MFHAS1: variants seen among roughly 807,000 people sequenced by gnomAD.
MFHAS1 encodes the protein malignant fibrous histiocytoma-amplified sequence 1.
A neutral mutation model predicts 70.4 loss-of-function variants in MFHAS1; 50 were observed. The observed-to-expected ratio is 0.71, with a 90% confidence interval of 0.57 to 0.90. The LOEUF is 0.90. Among genes scored for constraint, MFHAS1 ranks in the 40% least tolerant of loss-of-function variants. The probability of loss-of-function intolerance (pLI) is 0.00; values close to 1 mark genes in which losing one functional copy is unlikely to be tolerated. For missense variants in MFHAS1, 1,795 were observed against 1,347.6 expected, an observed-to-expected ratio of 1.33 and a Z score of -5.20; for synonymous variants, 952 against 620.0, an observed-to-expected ratio of 1.54 and a Z score of -7.96.
At chr8:8,829,672 C>T (rs1807297532) in intron 1 of MFHAS1, among the ~76,000 whole-genome samples, 2 of 152,210 alleles carry the variant, frequency 1.3e-5, no homozygotes, top group Admixed American at 1.3e-4. Flanking sequence ...AAGAGTGAGA[C>T]TCTGTCTCAA....
chr8:8,836,769 A>G (rs1439105646), intron 1 of MFHAS1, among the ~76,000 whole-genome samples: 2 of 152,236 alleles, frequency 1.3e-5, no homozygotes, highest in East Asian at 3.8e-4. Flanking sequence ...GTAGAGCTAG[A>G]TAACTTCCTT....
chr8:8,824,854 T>C (rs1237425023), intron 1 of MFHAS1, among the ~76,000 whole-genome samples: 1 of 152,058 alleles, frequency 6.6e-6, no homozygotes, highest in East Asian at 1.9e-4. Context: ...AGGAAGGAGG[T>C]GTGCACAGCG....
At chr8:8,852,542 T>C (rs1234664534) in intron 1 of MFHAS1, among the ~76,000 whole-genome samples, 1 of 152,266 alleles carries the variant, frequency 6.6e-6, no homozygotes, top group Non-Finnish European at 1.5e-5. Flanking sequence ...TGGTGCCTGC[T>C]GGTTTCAGCC....
intron 1 of MFHAS1, among the ~76,000 whole-genome samples, chr8:8,831,687 C>A (rs1216212752): frequency 6.6e-6 from 1 of 151,638 alleles, no homozygotes; most frequent in Non-Finnish European, 1.5e-5. Flanking sequence ...CAGCTCACTG[C>A]AACCTCCGCC....
chr8:8,871,876 T>C (rs1809088287), intron 1 of MFHAS1, among the ~76,000 whole-genome samples: 1 of 152,176 alleles, frequency 6.6e-6, no homozygotes, highest in Admixed American at 6.5e-5. Flanking sequence ...TGGTTTAATA[T>C]AAAGCAAGTA....
Position 8,892,372 on chromosome 8 carries a change from G to A in MFHAS1, c.687C>T (p.Leu229=), listed in dbSNP as rs1810096834. 6.2e-7 allele frequency: 1 copy of A among 1,612,550 alleles called. No individual in the cohort carries two copies. Among genetic ancestry groups the A allele is most frequent in the Non-Finnish European group, 8.5e-7 (1 of 1,179,948 alleles). The change falls in exon 1 of 3, where the codon CTC becomes CTT. Residue 229 remains leucine, a synonymous_variant. Transcript: ENST00000276282. The surrounding 1 kb of genome is among the most constrained non-coding windows in gnomAD (Gnocchi z 4.7). The stretch of plus-strand genomic sequence containing the variant: ...CGGCCCCACTCAGCCAGAGGATCTT[G>A]AGGGCACGCAGGGCACTGATATCCT... ...LPEDISALRA[L]KILWLSGAEL...
intron 1 of MFHAS1, among the ~76,000 whole-genome samples, chr8:8,860,357 C>G (rs1013106669): frequency 3.9e-5 from 6 of 152,202 alleles, no homozygotes; most frequent in African/African-American, 1.4e-4. Context: ...CAACCCCTGC[C>G]TTCTCAGTCC....
At position 8,879,441 on chromosome 8, in the gene MFHAS1, T is replaced by C. The variant is rs77241207; in HGVS notation, c.2998+10620A>G. 7.2e-3 allele frequency among the ~76,000 whole-genome samples: 1,090 copies of C among 152,350 alleles called. 20 individuals are homozygous for C. The highest frequency in any genetic ancestry group is 0.025 in the African/African-American group (1,049 of 41,592). ...TGGGAAGTTTTTAGAGATCCTCATA[T>C]ACAATGAATTTCCTTTTTCCAGCAT... On this transcript the variant is annotated intron_variant, in intron 1 of 2. Coordinates refer to ENST00000276282, the MANE Select transcript of MFHAS1 (RefSeq NM_004225.3).
chr8:8,786,428 C>T (rs2271342), intron 2 of MFHAS1, among the ~76,000 whole-genome samples: 77,849 of 151,986 alleles, frequency 0.51, 20,588 homozygotes, highest in East Asian at 0.86. Context: ...CACGGTCACA[C>T]GCAGACACAC....
At chr8:8,858,066 C>G (rs1054702386) in intron 1 of MFHAS1, among the ~76,000 whole-genome samples, 3 of 152,182 alleles carry the variant, frequency 2.0e-5, no homozygotes, top group Non-Finnish European at 4.4e-5. Flanking sequence ...ATTTGCCTGC[C>G]TCCACGCCTG....
chr8:8,843,346 G>A (rs1352789635), intron 1 of MFHAS1, among the ~76,000 whole-genome samples: 4 of 151,846 alleles, frequency 2.6e-5, no homozygotes, highest in Non-Finnish European at 5.9e-5. Flanking sequence ...CATTTCGGGA[G>A]GCTCAGGTGG....
intron 1 of MFHAS1, among the ~76,000 whole-genome samples, chr8:8,885,086 C>G (rs1367304343): frequency 1.3e-5 from 2 of 152,106 alleles, no homozygotes; most frequent in Non-Finnish European, 2.9e-5. Flanking sequence ...ACAACCTAAT[C>G]AAAGATATAT....
chr8:8,840,512 G>C (rs1315858698), intron 1 of MFHAS1, among the ~76,000 whole-genome samples: 1 of 149,944 alleles, frequency 6.7e-6, no homozygotes, highest in Non-Finnish European at 1.5e-5. Context: ...GGAACATCTT[G>C]TTCAAATCTC....
intron 1 of MFHAS1, among the ~76,000 whole-genome samples, chr8:8,829,500 G>A (rs908470922): frequency 6.6e-6 from 1 of 152,292 alleles, no homozygotes; most frequent in South Asian, 2.1e-4. Flanking sequence ...GGCCAACATG[G>A]TGAAACCCCA....
intron 1 of MFHAS1, among the ~76,000 whole-genome samples, chr8:8,850,491 T>C (rs774851411): frequency 3.3e-5 from 5 of 152,148 alleles, no homozygotes; most frequent in South Asian, 2.1e-4. Context: ...GATTAGGAGA[T>C]AGAACCAGAG....
At chr8:8,844,699 A>T (rs1807963339) in intron 1 of MFHAS1, among the ~76,000 whole-genome samples, 1 of 152,090 alleles carries the variant, frequency 6.6e-6, no homozygotes, top group Admixed American at 6.5e-5. Flanking sequence ...CCTCTCTTAC[A>T]TCTTCTCAAA....
intron 1 of MFHAS1, among the ~76,000 whole-genome samples, chr8:8,849,678 C>T (rs1465705440): frequency 1.3e-5 from 2 of 152,204 alleles, no homozygotes; most frequent in African/African-American, 4.8e-5. Flanking sequence ...GTGGACACTT[C>T]ATTGTGGTCA....
At chr8:8,837,814 G>A (rs529911926) in intron 1 of MFHAS1, among the ~76,000 whole-genome samples, 2 of 152,280 alleles carry the variant, frequency 1.3e-5, no homozygotes, top group South Asian at 4.1e-4. Context: ...GAACTCTTGT[G>A]CACTGTGGGT....
intron 1 of MFHAS1, among the ~76,000 whole-genome samples, chr8:8,798,596 C>G (rs998981365): frequency 5.9e-5 from 9 of 152,294 alleles, no homozygotes; most frequent in Admixed American, 5.9e-4. Context: ...CTCAGCCTCC[C>G]AAAGTGCTGG....
Sources: allele counts gnomAD v4.1 joint callset (sites outside exome capture counted in the v4.1 genomes callset), GRCh38; gene constraint gnomAD v4.1.1; non-coding constraint Gnocchi (gnomAD v3.1); transcripts MANE v1.5; gene names NCBI Gene and HGNC (gene_info 2026-07-23, HGNC 2026-07-21).